The following PMS2 variants were observed in gnomAD, a reference collection of about 807,000 sequenced individuals.
The protein encoded by PMS2 is mismatch repair endonuclease PMS2.
PMS2 carries 69 observed loss-of-function variants against 90.0 expected under a neutral mutation model. The observed-to-expected ratio is 0.77, with a 90% confidence interval of 0.63 to 0.94. The LOEUF (loss-of-function observed/expected upper bound fraction) is 0.94, where lower values mean the gene tolerates loss of function less well. Ranked by LOEUF, PMS2 falls within the 40% of genes least tolerant of loss-of-function variation. The pLI, the probability that PMS2 is intolerant of heterozygous loss-of-function variation, is 0.00. For missense variants in PMS2, 966 were observed against 1,040.2 expected, an observed-to-expected ratio of 0.93 and a Z score of 0.98; for synonymous variants, 332 against 375.1, an observed-to-expected ratio of 0.89 and a Z score of 1.33.
chr7:5,999,428 C>T (rs1404606400), intron 5 of PMS2, among the ~76,000 whole-genome samples, 153 bp from the exon 6 acceptor site: 1 of 152,124 alleles, frequency 6.6e-6, no homozygotes, highest in African/African-American at 2.4e-5. Context: ...AGGTGTCTTC[C>T]TATATTCTAC....
Position 5,977,888 on chromosome 7 carries a change from G to C in PMS2, c.2276-131C>G, listed in dbSNP as rs1009870252. Reference sequence around the variant, plus strand: ...TAATCCCTGCACTTTGGGAGGCTGAGGCCAGCGGATCATGAGGTCAGGAGA... The same window carrying C: ...TAATCCCTGCACTTTGGGAGGCTGACGCCAGCGGATCATGAGGTCAGGAGA... On this transcript the variant is annotated intron_variant, in intron 13 of 14. Coordinates refer to ENST00000265849, the MANE Select transcript of PMS2 (RefSeq NM_000535.7). The C allele has an allele frequency of 9.2e-6, 13 of 1,405,998 alleles. No individual in the cohort carries two copies. The African/African-American group carries it at 1.1e-4, about 12-fold the overall frequency. 87.1% of individuals were successfully genotyped at this position (1,405,998 alleles called of 1,614,324 possible). A position where few individuals can be genotyped will look rare whatever the true frequency, so the allele number is the denominator to read the frequency against.
At chr7:6,005,254 G>C (rs1045866689) in intron 2 of PMS2, among the ~76,000 whole-genome samples, 8 of 152,002 alleles carry the variant, frequency 5.3e-5, no homozygotes, top group African/African-American at 1.9e-4. Flanking sequence ...CCCCAGGCTG[G>C]CATGCAGTGG....
chr7:5,979,005 G>C lies in PMS2; in HGVS notation c.2175-309C>G, dbSNP rs868536428. Among the ~76,000 whole-genome samples, 26 of 148,458 alleles carry C rather than the reference G, an allele frequency of 1.8e-4. 3 individuals are homozygous for C. Among genetic ancestry groups the C allele is most frequent in the African/African-American group, 6.1e-4 (24 of 39,248 alleles). The stretch of plus-strand genomic sequence containing the variant: ...AGGCCAGGAGTTTGAGACCGGCCTG[G>C]TCAACACAGCGAAACACTCTCTCTA... On this transcript the variant is annotated intron_variant, in intron 12 of 14. Transcript: ENST00000265849.
intron 7 of PMS2, among the ~76,000 whole-genome samples, 195 bp downstream of exon 7, chr7:5,997,131 T>C (rs1156535272): frequency 1.3e-5 from 2 of 151,744 alleles, no homozygotes; most frequent in Non-Finnish European, 2.9e-5. Flanking sequence ...GGAGAATTGC[T>C]TGAACTCAGG....
At chr7:5,982,750 G>A (rs1782425234) in intron 12 of PMS2, 74 bp downstream of exon 12, 1 of 1,608,830 alleles carries the variant, frequency 6.2e-7, no homozygotes, top group Non-Finnish European at 8.5e-7. Context: ...GGCCTCTTGT[G>A]ATCCTCCTGC....
rs9655491 is a variant in PMS2 at position 6,005,760 on chromosome 7, C to T, written c.163+132G>A. ...CTAAGTACTAGGCACATAATAGGTGCTAACTTCAACTTAAAAATAATAATT... is the reference window on the plus strand; with the variant it reads ...CTAAGTACTAGGCACATAATAGGTGTTAACTTCAACTTAAAAATAATAATT... On this transcript the variant is annotated intron_variant, in intron 2 of 14. Coordinates refer to ENST00000265849, the MANE Select transcript of PMS2 (RefSeq NM_000535.7). 8.6e-6 allele frequency: 12 copies of T among 1,401,582 alleles called. No individual in the cohort carries two copies. The African/African-American group carries it at 1.3e-4, about 15-fold the overall frequency. The allele number at this position is 1,401,582 out of a possible 1,614,324, so 86.8% of individuals were successfully genotyped here.
intron 8 of PMS2, among the ~76,000 whole-genome samples, chr7:5,993,644 C>CT (rs1784025777): frequency 6.6e-6 from 1 of 150,876 alleles, no homozygotes; most frequent in Non-Finnish European, 1.5e-5. Context: ...GGGTGGATCA[C>CT]GAGGTCAGGA....
intron 5 of PMS2, among the ~76,000 whole-genome samples, chr7:6,000,987 C>CA (rs1785026695): frequency 6.6e-6 from 1 of 151,886 alleles, no homozygotes; most frequent in Non-Finnish European, 1.5e-5. Flanking sequence ...TGAGAAGACT[C>CA]CATCTAAAAA....
chr7:6,003,890 C>A, intron 3 of PMS2, 82 bp downstream of exon 3: 1 of 1,268,342 alleles, frequency 7.9e-7, no homozygotes, highest in Non-Finnish European at 1.2e-6. Context: ...ACTGTTTTTG[C>A]ATTTCCCAAG....
chr7:5,992,326 CT>C (rs1289731218), intron 8 of PMS2, among the ~76,000 whole-genome samples: 8 of 146,174 alleles, frequency 5.5e-5, no homozygotes, highest in Admixed American at 1.4e-4. Context: ...ATTTTTTTTT[CT>C]TTTTTTTTTT....
chr7:5,990,207 C>T (rs983442445), intron 9 of PMS2, among the ~76,000 whole-genome samples: 3 of 152,142 alleles, frequency 2.0e-5, no homozygotes, highest in Non-Finnish European at 4.4e-5. Context: ...GGGGTTTCAC[C>T]GTGTTGGCCA....
chr7:5,997,533 A>T (rs1302307856), intron 6 of PMS2, 110 bp from the exon 7 acceptor site: 3 of 710,260 alleles, frequency 4.2e-6, no homozygotes, highest in South Asian at 1.7e-5. Context: ...AAAAAAAATT[A>T]AAAGAATCTT....
chr7:6,000,208 T>C (rs1784940975), intron 5 of PMS2, among the ~76,000 whole-genome samples: 1 of 151,372 alleles, frequency 6.6e-6, no homozygotes, highest in African/African-American at 2.4e-5. Flanking sequence ...GACCCATCTC[T>C]ACAAAAAAAA....
At chr7:6,001,001 A>G (rs903031783) in intron 5 of PMS2, among the ~76,000 whole-genome samples, 5 of 152,186 alleles carry the variant, frequency 3.3e-5, no homozygotes, top group African/African-American at 1.2e-4. Context: ...CTAAAAAAAA[A>G]GAAAGTTAAA....
rs1229834862 is a variant in PMS2 at position 5,983,776 on chromosome 7, C to T, written c.2007-785G>A. ...GAGCGATTCTCCTGCCTCAGCCTCC[C>T]GAGTAGCTGGGACTACAGGCATGCA... On this transcript the variant is annotated intron_variant, in intron 11 of 14. Transcript: ENST00000265849. Among the ~76,000 whole-genome samples the T allele has an allele frequency of 1.1e-4, 16 of 151,554 alleles. 1 individual carries two copies. Among genetic ancestry groups the T allele is most frequent in the African/African-American group, 3.4e-4 (14 of 40,994 alleles).
chr7:5,986,308 C>G (rs1163579267), intron 11 of PMS2, among the ~76,000 whole-genome samples: 1 of 151,980 alleles, frequency 6.6e-6, no homozygotes, highest in Non-Finnish European at 1.5e-5. Flanking sequence ...CTCCTGGGCT[C>G]AAGTGATCCT....
At chr7:6,004,942 T>C (rs1785552882) in intron 2 of PMS2, among the ~76,000 whole-genome samples, 1 of 152,110 alleles carries the variant, frequency 6.6e-6, no homozygotes, top group Non-Finnish European at 1.5e-5. Flanking sequence ...GTTTTGCTCG[T>C]CACCCAGGCT....
In PMS2 at chr7:6,006,064, T is replaced by G. The variant is rs748660818; in HGVS notation, c.24-33A>C. On this transcript the variant is annotated intron_variant, in intron 1 of 14. Coordinates refer to ENST00000265849, the MANE Select transcript of PMS2 (RefSeq NM_000535.7). ...AATCAGTTACAAGAAACAAATCAAG[T>G]ATTCAGCTATATATTTTCATCCTGA... The G allele has an allele frequency of 4.4e-6, 7 of 1,606,860 alleles. No individual in the cohort carries two copies. The African/African-American group carries it at 6.7e-5, about 15-fold the overall frequency.
At chr7:5,991,900 C>G (rs1783775368) in intron 9 of PMS2, 73 bp downstream of exon 9, 2 of 822,630 alleles carry the variant, frequency 2.4e-6, no homozygotes, top group South Asian at 2.7e-5. Flanking sequence ...CCAGTCATAG[C>G]AGAGCTGTAG....
Sources: gnomAD v4.1 joint callset for allele counts (sites outside exome capture counted in the v4.1 genomes callset) on GRCh38, gnomAD v4.1.1 for gene constraint, MANE v1.5 for transcripts, NCBI Gene and HGNC (gene_info 2026-07-23, HGNC 2026-07-21) for gene names.